Variants in HYAL4 observed in about 807,000 individuals in gnomAD.
HYAL4 encodes hyaluronidase-4.
In HYAL4, 37 loss-of-function variants were observed where a neutral mutation model predicts 35.2. The ratio of observed to expected loss-of-function variants is 1.05; its 90% CI spans 0.81 to 1.38. The LOEUF (loss-of-function observed/expected upper bound fraction) is 1.38. HYAL4 is among the 40% of genes most tolerant of loss of function. The pLI is 0.00. For missense variants in HYAL4, 572 were observed against 572.4 expected, an observed-to-expected ratio of 1.00 and a Z score of 0.01; for synonymous variants, 198 against 203.2, an observed-to-expected ratio of 0.97 and a Z score of 0.22.
chr7:123,831,093 T>C (rs1338595012), intron 1 of HYAL4, among the ~76,000 whole-genome samples: 1 of 152,096 alleles, frequency 6.6e-6, no homozygotes, highest in Non-Finnish European at 1.5e-5. Context: ...TAATGGGAGG[T>C]GTTTGGATCA....
intron 2 of HYAL4, among the ~76,000 whole-genome samples, chr7:123,861,158 C>T (rs1806568025): frequency 1.3e-5 from 2 of 152,094 alleles, no homozygotes; most frequent in African/African-American, 4.8e-5. Flanking sequence ...GTCCTCAGGC[C>T]TGAGGTTGGG....
chr7:123,857,829 A>G (rs762701980), intron 2 of HYAL4, among the ~76,000 whole-genome samples: 9 of 152,030 alleles, frequency 5.9e-5, no homozygotes, highest in Non-Finnish European at 1.3e-4. Flanking sequence ...ATTCAGTTGC[A>G]ACATCAAGAA....
the HYAL4 span, among the ~76,000 whole-genome samples, chr7:123,792,317 G>T: frequency 1.3e-5 from 2 of 152,200 alleles, no homozygotes; most frequent in East Asian, 3.8e-4. Context: ...CTCTTGAGAT[G>T]CCTTAAGTTG....
At chr7:123,778,244 A>T in the HYAL4 span, among the ~76,000 whole-genome samples, 93 of 152,184 alleles carry the variant, frequency 6.1e-4, no homozygotes, top group African/African-American at 2.2e-3. Flanking sequence ...AGTTGCAGGC[A>T]TTATACTTCT....
chr7:123,853,775 T>C (rs1226651072), intron 2 of HYAL4, among the ~76,000 whole-genome samples: 1 of 152,184 alleles, frequency 6.6e-6, no homozygotes. Context: ...TGTTTTTCTA[T>C]GGTTTGGAAT....
the HYAL4 span, among the ~76,000 whole-genome samples, chr7:123,804,990 C>T: frequency 2.0e-5 from 3 of 152,112 alleles, no homozygotes; most frequent in Non-Finnish European, 4.4e-5. Context: ...CAGAGATGAG[C>T]CCTTCCTTAA....
the HYAL4 span, among the ~76,000 whole-genome samples, chr7:123,784,180 A>G: frequency 6.6e-6 from 1 of 152,160 alleles, no homozygotes; most frequent in Admixed American, 6.6e-5. Flanking sequence ...TTAAAAAGAA[A>G]CTCCTTAATT....
At chr7:123,802,044 G>A in the HYAL4 span, among the ~76,000 whole-genome samples, 1 of 152,130 alleles carries the variant, frequency 6.6e-6, no homozygotes, top group Non-Finnish European at 1.5e-5. Flanking sequence ...GGGAGGAGGA[G>A]TGACTTTTCT....
At chr7:123,861,387 T>C (rs1435905008) in intron 2 of HYAL4, among the ~76,000 whole-genome samples, 1 of 152,222 alleles carries the variant, frequency 6.6e-6, no homozygotes, top group Non-Finnish European at 1.5e-5. Flanking sequence ...ATCAACTTAA[T>C]GTTATCTTAA....
At chr7:123,874,563 T>C (rs36931) in intron 3 of HYAL4, among the ~76,000 whole-genome samples, 198 bp from the exon 4 acceptor site, 119,585 of 152,014 alleles carry the variant, frequency 0.79, 47,393 homozygotes, top group Non-Finnish European at 0.83. Flanking sequence ...CCACCACGCC[T>C]GGCTAATTTT....
intron 1 of HYAL4, among the ~76,000 whole-genome samples, chr7:123,829,856 A>G (rs1256069772): frequency 6.6e-6 from 1 of 152,154 alleles, no homozygotes; most frequent in Non-Finnish European, 1.5e-5. Flanking sequence ...AAGACCCAAT[A>G]AACTAACAAG....
At chr7:123,874,343 T>G (rs972625592) in intron 3 of HYAL4, among the ~76,000 whole-genome samples, 1 of 152,232 alleles carries the variant, frequency 6.6e-6, no homozygotes, top group African/African-American at 2.4e-5. Context: ...AAGGAGTATA[T>G]GAGCTCAGTA....
rs151269438 is a variant in HYAL4, at chr7:123,868,192, A to G, written c.-51-31A>G. ...TATTTGAGTCTTTTTCCTCAAAACT[A>G]TGACTAACAGAAAATTAAATCTCTC... is the stretch of plus-strand genomic sequence containing the variant. On this transcript the variant is annotated intron_variant, in intron 2 of 4. Coordinates refer to ENST00000223026, the MANE Select transcript of HYAL4 (RefSeq NM_012269.3). 1.8e-4 allele frequency: 111 copies of G among 633,090 alleles called. No individual in the cohort carries two copies. In the African/African-American group the frequency reaches 1.8e-3, roughly 10 times the overall value. 39.2% of individuals were successfully genotyped at this position (633,090 alleles called of 1,614,324 possible). A position where few individuals can be genotyped will look rare whatever the true frequency, so the allele number is the denominator to read the frequency against.
the HYAL4 span, among the ~76,000 whole-genome samples, chr7:123,821,497 T>TTA: frequency 6.6e-6 from 1 of 152,136 alleles, no homozygotes; most frequent in Non-Finnish European, 1.5e-5. Flanking sequence ...TTTGATTGGG[T>TTA]TATATATATT....
chr7:123,790,617 C>T, the HYAL4 span: 7 of 137,256 alleles, frequency 5.1e-5, 1 homozygote, highest in South Asian at 4.5e-4. Context: ...AAATATGGAA[C>T]GCTTCACGAA....
At chr7:123,832,727 T>G (rs1443126239) in intron 1 of HYAL4, among the ~76,000 whole-genome samples, 1 of 151,916 alleles carries the variant, frequency 6.6e-6, no homozygotes, top group Non-Finnish European at 1.5e-5. Context: ...GGTCTCGATC[T>G]CCAGACCTCA....
chr7:123,790,575 C>T, the HYAL4 span: 7 of 145,032 alleles, frequency 4.8e-5, no homozygotes, highest in Non-Finnish European at 7.5e-5. Flanking sequence ...CAACTAAATT[C>T]AAAGACATGC....
intron 1 of HYAL4, among the ~76,000 whole-genome samples, chr7:123,834,104 T>C (rs1805925159): frequency 6.6e-6 from 1 of 152,166 alleles, no homozygotes; most frequent in African/African-American, 2.4e-5. Context: ...AGGATTGTTT[T>C]TTCTAGTTCT....
At chr7:123,833,589 T>A (rs1168351755) in intron 1 of HYAL4, among the ~76,000 whole-genome samples, 1 of 152,222 alleles carries the variant, frequency 6.6e-6, no homozygotes, top group East Asian at 1.9e-4. Flanking sequence ...TTTAATTAAG[T>A]TCCACCTATT....
Sources: gnomAD v4.1 joint callset for allele counts (sites outside exome capture counted in the v4.1 genomes callset) on GRCh38, gnomAD v4.1.1 for gene constraint, MANE v1.5 for transcripts, NCBI Gene and HGNC (gene_info 2026-07-23, HGNC 2026-07-21) for gene names.